NEDD4L: variants seen among roughly 807,000 people sequenced by gnomAD.
NEDD4L encodes E3 ubiquitin-protein ligase NEDD4-like.
Under a neutral mutation model 148.9 loss-of-function variants are expected in NEDD4L, and 54 were observed. The observed-to-expected ratio is 0.36, with a 90% CI of 0.29 to 0.45. The LOEUF is 0.45. Ranked by LOEUF, NEDD4L falls within the 20% of genes least tolerant of loss-of-function variation. NEDD4L has a pLI of 1.00. For missense variants in NEDD4L, 856 were observed against 1,233.8 expected, an observed-to-expected ratio of 0.69 and a Z score of 4.59; for synonymous variants, 433 against 440.7, an observed-to-expected ratio of 0.98 and a Z score of 0.22.
chr18:58,278,862 C>T (rs2052562304), intron 5 of NEDD4L, among the ~76,000 whole-genome samples: 1 of 152,038 alleles, frequency 6.6e-6, no homozygotes, highest in South Asian at 2.1e-4. Flanking sequence ...ACTGATTATA[C>T]TTTTATTTTT....
chr18:58,219,929 T>G (rs1170468875), intron 2 of NEDD4L, among the ~76,000 whole-genome samples: 1 of 152,214 alleles, frequency 6.6e-6, no homozygotes, highest in African/African-American at 2.4e-5. Flanking sequence ...TTTCTTATAG[T>G]GTATTGTGGT....
chr18:58,133,425 G>A (rs932456848), intron 1 of NEDD4L, among the ~76,000 whole-genome samples: 3 of 152,134 alleles, frequency 2.0e-5, no homozygotes, highest in African/African-American at 4.8e-5. Context: ...TCAGAAGAAC[G>A]TAGAGAAACT....
At chr18:58,275,890 G>A (rs1185984637) in intron 5 of NEDD4L, among the ~76,000 whole-genome samples, 1 of 152,176 alleles carries the variant, frequency 6.6e-6, no homozygotes, top group Non-Finnish European at 1.5e-5. Flanking sequence ...AAGGTAGGGG[G>A]AGCATTGAAG....
At chr18:58,169,061 C>T (rs1311199580) in intron 2 of NEDD4L, among the ~76,000 whole-genome samples, 1 of 152,214 alleles carries the variant, frequency 6.6e-6, no homozygotes, top group African/African-American at 2.4e-5. Flanking sequence ...CCGGGGGTTT[C>T]TGGGGCCCTT....
At chr18:58,064,969 C>T (rs1413008620) in intron 1 of NEDD4L, among the ~76,000 whole-genome samples, 1 of 152,180 alleles carries the variant, frequency 6.6e-6, no homozygotes, top group African/African-American at 2.4e-5. Flanking sequence ...GTGGGGAAAC[C>T]TTCCTGCTGT....
intron 1 of NEDD4L, among the ~76,000 whole-genome samples, chr18:58,123,899 G>A (rs756472480): frequency 2.6e-4 from 40 of 152,162 alleles, no homozygotes; most frequent in Non-Finnish European, 4.6e-4. Context: ...TCCCAAGGAT[G>A]TCACTCCTGC....
At chr18:58,191,687 A>G (rs962634877) in intron 2 of NEDD4L, among the ~76,000 whole-genome samples, 1 of 152,216 alleles carries the variant, frequency 6.6e-6, no homozygotes. Flanking sequence ...GTGTGTAGCC[A>G]AAGTTCTAAA....
In NEDD4L at chr18:58,343,554, A is replaced by G. The variant is rs1450930440; in HGVS notation, c.1575+451A>G. On this transcript the variant is annotated intron_variant, in intron 16 of 30. Coordinates refer to ENST00000400345, the MANE Select transcript of NEDD4L (RefSeq NM_001144967.3). ...TAGTTTTTACCGTTCACATCAGATC[A>G]GTATTCACACATCTGAGGTACATTT... Among the ~76,000 whole-genome samples, 4 of 152,172 alleles carry G rather than the reference A, an allele frequency of 2.6e-5. No homozygotes were observed. The South Asian group carries it at 6.2e-4, about 24-fold the overall frequency.
At chr18:58,325,226 C>T (rs891643150) in intron 9 of NEDD4L, 64 bp downstream of exon 9, 19 of 1,570,316 alleles carry the variant, frequency 1.2e-5, no homozygotes, top group African/African-American at 9.4e-5. Context: ...ACAAATATGG[C>T]GGCCCTTTGG....
At position 58,366,173 on chromosome 18, in the gene NEDD4L, T is replaced by G; in HGVS notation, c.2008T>G (p.Leu670Val). 3 of 1,613,464 alleles carry G rather than the reference T, an allele frequency of 1.9e-6. No homozygotes were observed. Among genetic ancestry groups the G allele is most frequent in the Non-Finnish European group, 2.5e-6 (3 of 1,179,712 alleles). ...YGGVAREWFFLLSKEMFNPYY... is the reference protein window; with the variant it reads ...YGGVAREWFFVLSKEMFNPYY... ...GGGTGTGGCCAGAGAATGGTTCTTC[T>G]TACTGTCCAAAGAGATGTTCAACCC... The change falls in exon 21 of 31, where the codon TTA becomes GTA. Residue 670 changes from leucine (L) to valine (V), a missense_variant. By Grantham distance (32) the Leu-to-Val change is conservative. This residue lies in a region of NEDD4L where 286 missense variants were observed against 531.8 expected (regional missense o/e 0.54). Transcript: ENST00000400345. This position sits in a 1 kb window ranked among gnomAD's most constrained non-coding sequence, Gnocchi z 4.2.
chr18:58,375,379 A>C (rs148214557), intron 24 of NEDD4L, among the ~76,000 whole-genome samples: 1 of 152,024 alleles, frequency 6.6e-6, no homozygotes, highest in Non-Finnish European at 1.5e-5. Context: ...CCCCTTATGG[A>C]CTATTTCTGA....
intron 5 of NEDD4L, among the ~76,000 whole-genome samples, chr18:58,312,093 T>C (rs1295937146): frequency 5.3e-5 from 8 of 152,262 alleles, no homozygotes; most frequent in Non-Finnish European, 8.8e-5. Context: ...ATTTAACTTT[T>C]CCAATATCGG....
At chr18:58,182,124 A>G (rs531629740) in intron 2 of NEDD4L, among the ~76,000 whole-genome samples, 3 of 152,292 alleles carry the variant, frequency 2.0e-5, no homozygotes, top group African/African-American at 7.2e-5. Context: ...TACCAGGGGC[A>G]GGGGAAAGAG....
At chr18:58,387,810 C>CT in intron 27 of NEDD4L, 2 of 209,752 alleles carry the variant, frequency 9.5e-6, no homozygotes, top group South Asian at 1.1e-4. Context: ...GATCATGGCC[C>CT]TATGCACCAG....
At chr18:58,241,980 C>A (rs2046687997) in intron 2 of NEDD4L, among the ~76,000 whole-genome samples, 1 of 152,024 alleles carries the variant, frequency 6.6e-6, no homozygotes, top group African/African-American at 2.4e-5. Context: ...GTTGTATCAG[C>A]AGCAGCCACT....
At chr18:58,223,568 T>G (rs2044008732) in intron 2 of NEDD4L, among the ~76,000 whole-genome samples, 1 of 152,236 alleles carries the variant, frequency 6.6e-6, no homozygotes, top group African/African-American at 2.4e-5. Flanking sequence ...GTTTATTTTT[T>G]CAGCCTGTAC....
chr18:58,391,670 G>C (rs1043364840), intron 30 of NEDD4L, 111 bp downstream of exon 30: 6 of 725,656 alleles, frequency 8.3e-6, no homozygotes, highest in South Asian at 3.6e-5. Context: ...AAGTAGCTTA[G>C]AGAATTAAAG....
intron 2 of NEDD4L, among the ~76,000 whole-genome samples, chr18:58,167,018 G>A (rs1283067562): frequency 3.3e-5 from 5 of 152,180 alleles, no homozygotes; most frequent in African/African-American, 7.2e-5. Flanking sequence ...CAATTGTTAA[G>A]TTACTAAAAT....
At chr18:58,367,533 G>A (rs2046284232) in intron 21 of NEDD4L, among the ~76,000 whole-genome samples, 1 of 152,168 alleles carries the variant, frequency 6.6e-6, no homozygotes, top group Non-Finnish European at 1.5e-5. Context: ...GTCTCTTATG[G>A]TTTAATTGAC....
Sources: allele counts gnomAD v4.1 joint callset (sites outside exome capture counted in the v4.1 genomes callset), GRCh38; gene constraint gnomAD v4.1.1; regional missense constraint gnomAD v4.1.1; non-coding constraint Gnocchi (gnomAD v3.1); transcripts MANE v1.5; gene names NCBI Gene and HGNC (gene_info 2026-07-23, HGNC 2026-07-21).